The following ERFL variants were observed in gnomAD, a reference collection of about 807,000 sequenced individuals.
The protein encoded by ERFL is ETS repressor factor like.
ERFL carries 8 observed loss-of-function variants against 27.9 expected under a neutral mutation model. The observed-to-expected ratio is 0.29, with a 90% CI of 0.17 to 0.52. The LOEUF (loss-of-function observed/expected upper bound fraction) is 0.52, where lower values mean the gene tolerates loss of function less well. ERFL is among the 20% of genes least tolerant of loss of function. The pLI, the probability that ERFL is intolerant of heterozygous loss-of-function variation, is 0.97. For missense variants in ERFL, 294 were observed against 444.4 expected, an observed-to-expected ratio of 0.66 and a Z score of 3.04; for synonymous variants, 174 against 202.8, an observed-to-expected ratio of 0.86 and a Z score of 1.21.
chr19:41,916,795 GTCACAA>G lies in ERFL; in HGVS notation c.-13-3869_-13-3864del. ...ACACACACACCCATTCACAGACACA[GTCACAA>G]TCACACACACACACCAAGATCACGG... On this transcript the variant is annotated intron_variant, in intron 1 of 5. Coordinates refer to ENST00000597630, the MANE Select transcript of ERFL (RefSeq NM_001365103.2). The surrounding 1 kb of genome is among the most constrained non-coding windows in gnomAD (Gnocchi z 5.4). Among the ~76,000 whole-genome samples the G allele has an allele frequency of 6.6e-6, 1 of 151,976 alleles. No individual in the cohort carries two copies. Among genetic ancestry groups the G allele is most frequent in the East Asian group, 1.9e-4 (1 of 5,162 alleles).
At chr19:41,913,314 C>T (rs2074765735) in intron 1 of ERFL, among the ~76,000 whole-genome samples, 1 of 147,878 alleles carries the variant, frequency 6.8e-6, no homozygotes, top group South Asian at 2.3e-4. Context: ...GCTGCCGTCT[C>T]CCGTCCCCGC....
intron 1 of ERFL, among the ~76,000 whole-genome samples, chr19:41,927,433 C>G (rs2074878132): frequency 6.6e-6 from 1 of 152,052 alleles, no homozygotes; most frequent in Non-Finnish European, 1.5e-5. Context: ...TAGCTTTGAA[C>G]TCCAACTCCA....
chr19:41,912,458 CGTCT>C (rs1555851348), intron 2 of ERFL, among the ~76,000 whole-genome samples: 1 of 152,208 alleles, frequency 6.6e-6, no homozygotes, highest in Non-Finnish European at 1.5e-5. Flanking sequence ...TGGGCAGTGC[CGTCT>C]GTCTACCTGT....
At chr19:41,918,446 C>T (rs1380747052) in intron 1 of ERFL, among the ~76,000 whole-genome samples, 2 of 144,610 alleles carry the variant, frequency 1.4e-5, no homozygotes, top group African/African-American at 5.3e-5. Context: ...ATAAATACAC[C>T]ACACATGCAC....
In ERFL at chr19:41,908,269, G is replaced by A. The variant is rs963596631; in HGVS notation, c.1024C>T (p.Pro342Ser). The A allele has an allele frequency of 8.1e-5, 100 of 1,231,528 alleles. No homozygotes were observed. The highest frequency in any genetic ancestry group is 9.7e-5 in the Non-Finnish European group (96 of 987,934). The allele number at this position is 1,231,528 out of a possible 1,614,324, so 76.3% of individuals were successfully genotyped here. The change falls in exon 6 of 6, where the codon CCC (proline) becomes TCC (serine). Residue 342 changes from proline to serine, a missense_variant. Coordinates refer to ENST00000597630, the MANE Select transcript of ERFL (RefSeq NM_001365103.2). This position sits in a 1 kb window ranked among gnomAD's most constrained non-coding sequence, Gnocchi z 6.7. Reference protein sequence around the residue: ...DSEGDEGLPAPPKAKAGKGGT... With the variant: ...DSEGDEGLPASPKAKAGKGGT... ...CCTTTGCCCGCCTTTGCCTTGGGGG[G>A]TGCCGGGAGACCCTCATCGCCCTCG...
In ERFL at chr19:41,908,922, G is replaced by T; in HGVS notation, c.616+138C>A. 1 of 523,466 alleles carries T rather than the reference G, an allele frequency of 1.9e-6. No homozygotes were observed. Among genetic ancestry groups the T allele is most frequent in the Non-Finnish European group, 2.9e-6 (1 of 341,674 alleles). The allele number at this position is 523,466 out of a possible 1,614,324, so 32.4% of individuals were successfully genotyped here. Reference sequence around the variant, plus strand: ...TCCCTCACATCACATCCTTTTCTGGGTTTTACACACACACACCCTACAACC... The same window carrying T: ...TCCCTCACATCACATCCTTTTCTGGTTTTTACACACACACACCCTACAACC... On this transcript the variant is annotated intron_variant, in intron 5 of 5. Coordinates refer to ENST00000597630, the MANE Select transcript of ERFL (RefSeq NM_001365103.2). This position sits in a 1 kb window ranked among gnomAD's most constrained non-coding sequence, Gnocchi z 6.7.
intron 1 of ERFL, among the ~76,000 whole-genome samples, chr19:41,914,628 T>C (rs62639389): frequency 0.04 from 716 of 17,910 alleles, 93 homozygotes; most frequent in Middle Eastern, 0.075. Context: ...CCACCATCTC[T>C]GTCTCTGTCT....
chr19:41,913,454 C>G (rs2074766666), intron 1 of ERFL, among the ~76,000 whole-genome samples: 2 of 151,990 alleles, frequency 1.3e-5, no homozygotes, highest in South Asian at 4.2e-4. Context: ...GGACGACCCC[C>G]AGGCGGGCTC....
At chr19:41,922,007 C>T (rs1312996998) in intron 1 of ERFL, among the ~76,000 whole-genome samples, 3 of 152,016 alleles carry the variant, frequency 2.0e-5, no homozygotes, top group Non-Finnish European at 4.4e-5. Flanking sequence ...ACCTCCACCC[C>T]CAGCCTCACT....
intron 1 of ERFL, among the ~76,000 whole-genome samples, chr19:41,915,379 C>T (rs949851566): frequency 9.2e-5 from 14 of 151,734 alleles, no homozygotes; most frequent in East Asian, 6.0e-4. Flanking sequence ...CCTTGCCCAT[C>T]GCCTCTGCCG....
At chr19:41,922,999 G>C (rs2074850954) in intron 1 of ERFL, 1 of 375,996 alleles carries the variant, frequency 2.7e-6, no homozygotes, top group African/African-American at 2.1e-5. Flanking sequence ...GGGAATGTGA[G>C]GGGCAGCCTA....
In ERFL at chr19:41,908,064, G is replaced by GGT. The variant is rs1555850809; in HGVS notation, c.*163_*164insAC. On this transcript the variant is annotated 3_prime_UTR_variant, in exon 6 of 6. Transcript: ENST00000597630. This position sits in a 1 kb window ranked among gnomAD's most constrained non-coding sequence, Gnocchi z 6.7. ...CCCTCTGTCCTCTGTGGAGGGGGAA[G>GGT]TGAGACCCCCCCCACTCTGGGGCTG... 15 of 479,928 alleles carry GGT rather than the reference G, an allele frequency of 3.1e-5. No individual in the cohort carries two copies. In the Admixed American group the frequency reaches 5.3e-4, roughly 17 times the overall value. The allele number at this position is 479,928 out of a possible 1,614,324, so 29.7% of individuals were successfully genotyped here.
intron 1 of ERFL, among the ~76,000 whole-genome samples, chr19:41,918,065 TGTG>T (rs1451531022): frequency 6.6e-6 from 1 of 151,838 alleles, no homozygotes; most frequent in Admixed American, 6.6e-5. Flanking sequence ...TCAGGGGTGA[TGTG>T]GGGTTTCCTG....
chr19:41,920,809 G>A (rs1413092460), intron 1 of ERFL, among the ~76,000 whole-genome samples: 3 of 152,264 alleles, frequency 2.0e-5, no homozygotes, highest in Non-Finnish European at 4.4e-5. Context: ...GGCTGGGGAA[G>A]GTGTGTCTGC....
At position 41,921,079 on chromosome 19, in the gene ERFL, G is replaced by T. The variant is rs782437181; in HGVS notation, c.-14+6961C>A. On this transcript the variant is annotated intron_variant, in intron 1 of 5. Transcript: ENST00000597630. The surrounding 1 kb of genome is among the most constrained non-coding windows in gnomAD (Gnocchi z 4.4). ...GGCGAGGGAGCGTCCCCGGGGAGGT[G>T]GGAGCCGCAGTGCCACGCACCCCGC... 6.6e-6 allele frequency among the ~76,000 whole-genome samples: 1 copy of T among 152,190 alleles called. No homozygotes were observed. The highest frequency in any genetic ancestry group is 1.5e-5 in the Non-Finnish European group (1 of 68,024).
rs2074883689 is a variant in ERFL at position 41,928,231 on chromosome 19, G to C, written c.-205C>G. 1 of 152,172 alleles carries C rather than the reference G, an allele frequency of 6.6e-6. No homozygotes were observed. Among genetic ancestry groups the C allele is most frequent in the African/African-American group, 2.4e-5 (1 of 41,408 alleles). 9.4% of individuals were successfully genotyped at this position (152,172 alleles called of 1,614,324 possible). ...GGGAGTCTCTGAGACGCCGGGACAG[G>C]AGAGACTCAGAGACGGAGAGACAGC... On this transcript the variant is annotated 5_prime_UTR_variant, in exon 1 of 6. Transcript: ENST00000597630.
chr19:41,912,625 C>A (rs1555851360), intron 2 of ERFL, among the ~76,000 whole-genome samples: 1 of 152,250 alleles, frequency 6.6e-6, no homozygotes, highest in African/African-American at 2.4e-5. Flanking sequence ...CGTACCCTCC[C>A]AGAAGACCCA....
At chr19:41,927,367 A>G (rs1305627742) in intron 1 of ERFL, among the ~76,000 whole-genome samples, 2 of 152,020 alleles carry the variant, frequency 1.3e-5, no homozygotes, top group African/African-American at 4.8e-5. Flanking sequence ...AGACCCTGTG[A>G]CCCCTCATAC....
intron 1 of ERFL, among the ~76,000 whole-genome samples, chr19:41,914,683 A>C (rs371424576): frequency 3.7e-4 from 2 of 5,478 alleles, no homozygotes; most frequent in Non-Finnish European, 2.7e-4. Context: ...CCCTTCCACC[A>C]TCTCTGTCTC....
Sources: gnomAD v4.1 joint callset for allele counts (sites outside exome capture counted in the v4.1 genomes callset) on GRCh38, gnomAD v4.1.1 for gene constraint, Gnocchi (gnomAD v3.1) non-coding constraint, MANE v1.5 for transcripts, NCBI Gene and HGNC (gene_info 2026-07-23, HGNC 2026-07-21) for gene names.